The following PYROXD1 variants were observed in gnomAD, a reference collection of about 807,000 sequenced individuals.
PYROXD1 encodes tRNA ligase complex-associated NAD(P)H dehydrogenase PYROXD1.
PYROXD1 carries 42 observed loss-of-function variants against 62.0 expected under a neutral mutation model. The observed-to-expected ratio is 0.68, with a 90% CI of 0.53 to 0.88. The LOEUF is 0.88. PYROXD1 is among the 40% of genes least tolerant of loss of function. The pLI is 0.00. For missense variants in PYROXD1, 493 were observed against 604.8 expected, an observed-to-expected ratio of 0.82 and a Z score of 1.94; for synonymous variants, 170 against 206.4, an observed-to-expected ratio of 0.82 and a Z score of 1.51.
At chr12:21,468,186 T>G (rs1288991134) in intron 11 of PYROXD1, among the ~76,000 whole-genome samples, 1 of 152,092 alleles carries the variant, frequency 6.6e-6, no homozygotes, top group Non-Finnish European at 1.5e-5. Context: ...ATTTACTGTA[T>G]AGTTTTAATG....
At position 21,445,334 on chromosome 12, in the gene PYROXD1, T is replaced by C. The variant is rs1242446200; in HGVS notation, c.166-13T>C. ...TTAAAAATATACATTTTTAATCTCT[T>C]GGATCTATACAGATTTCTAAAATAT... is the stretch of plus-strand genomic sequence containing the variant. On this transcript the variant is annotated splice_polypyrimidine_tract_variant and intron_variant, in intron 2 of 11. Transcript: ENST00000240651. 6.4e-7 allele frequency: 1 copy of C among 1,556,472 alleles called. No individual in the cohort carries two copies. The highest frequency in any genetic ancestry group is 2.3e-5 in the East Asian group (1 of 44,108).
intron 5 of PYROXD1, among the ~76,000 whole-genome samples, chr12:21,452,703 AAAAACC>A (rs1942523459): frequency 6.6e-6 from 1 of 152,100 alleles, no homozygotes; most frequent in Admixed American, 6.6e-5. Context: ...TTACAAGTTC[AAAAACC>A]ATTGAGAAAT....
chr12:21,466,080 C>T (rs551919216), intron 10 of PYROXD1, among the ~76,000 whole-genome samples: 64 of 151,584 alleles, frequency 4.2e-4, no homozygotes, highest in South Asian at 2.7e-3. Flanking sequence ...CCTTGTAGTA[C>T]AGTTTGAAGT....
intron 1 of PYROXD1, chr12:21,438,057 G>T: frequency 1.8e-6 from 1 of 568,474 alleles, no homozygotes; most frequent in Non-Finnish European, 3.1e-6. Context: ...AAAGCTGGCT[G>T]ATCCGTGCTC....
chr12:21,470,590 T>G lies in PYROXD1; in HGVS notation c.*1836T>G. The G allele has an allele frequency of 2.4e-6, 1 of 422,262 alleles. No individual in the cohort carries two copies. Among genetic ancestry groups the G allele is most frequent in the Non-Finnish European group, 4.0e-6 (1 of 247,222 alleles). The allele number at this position is 422,262 out of a possible 1,614,324, so 26.2% of individuals were successfully genotyped here. A position where few individuals can be genotyped will look rare whatever the true frequency, so the allele number is the denominator to read the frequency against. On this transcript the variant is annotated 3_prime_UTR_variant, in exon 12 of 12. Transcript: ENST00000240651. The stretch of plus-strand genomic sequence containing the variant: ...TCCTTAGACACAATGGCACTTGACT[T>G]GACATGCTTTTGCAGACTTGATAGT...
rs1389603365 is a variant in PYROXD1 at position 21,449,590 on chromosome 12, C to T, written c.313C>T (p.His105Tyr). The T allele has an allele frequency of 3.7e-6, 6 of 1,612,824 alleles. No individual in the cohort carries two copies. In the African/African-American group the frequency reaches 8.0e-5, roughly 22 times the overall value. The change falls in exon 4 of 12, where the codon CAC becomes TAC. Residue 105 changes from histidine to tyrosine, a missense_variant. By Grantham distance (83) the His-to-Tyr change is moderately conservative. Coordinates refer to ENST00000240651, the MANE Select transcript of PYROXD1 (RefSeq NM_024854.5). ...HCIVTEDGNQ[H>Y]VYKKLCLCAG... ...CATTGTAACAGAAGATGGCAATCAGCACGTATATAAGAAACTCTGTCTGTG... is the reference window on the plus strand; with the variant it reads ...CATTGTAACAGAAGATGGCAATCAGTACGTATATAAGAAACTCTGTCTGTG...
intron 2 of PYROXD1, among the ~76,000 whole-genome samples, chr12:21,440,698 G>A (rs1441108648): frequency 1.3e-5 from 2 of 152,052 alleles, no homozygotes; most frequent in Middle Eastern, 3.2e-3. Context: ...TAGGACTTTA[G>A]TACTGTGTTG....
chr12:21,467,464 T>G lies in PYROXD1; in HGVS notation c.1117-17T>G. On this transcript the variant is annotated splice_polypyrimidine_tract_variant and intron_variant, in intron 10 of 11. Transcript: ENST00000240651. The stretch of plus-strand genomic sequence containing the variant: ...TCATGAAAAATGACATTGTGTAACA[T>G]TTTTTCATCATTTCAGATGAGGCTG... The G allele has an allele frequency of 6.3e-7, 1 of 1,577,612 alleles. No individual in the cohort carries two copies. Among genetic ancestry groups the G allele is most frequent in the East Asian group, 2.3e-5 (1 of 44,086 alleles).
chr12:21,465,489 T>C lies in PYROXD1; in HGVS notation c.1117-1992T>C, dbSNP rs150079417. On this transcript the variant is annotated intron_variant, in intron 10 of 11. Transcript: ENST00000240651. ...TCTTCTTTTGAGAAGTGTCTGTTCA[T>C]ATCCTTCGCCGACTTTTTGATGGGG... Among the ~76,000 whole-genome samples the C allele has an allele frequency of 5.6e-3, 853 of 152,352 alleles. 8 individuals are homozygous for C. The highest frequency in any genetic ancestry group is 0.016 in the African/African-American group (655 of 41,580).
intron 2 of PYROXD1, among the ~76,000 whole-genome samples, chr12:21,440,852 T>A (rs893713867): frequency 4.6e-5 from 7 of 152,204 alleles, no homozygotes; most frequent in Admixed American, 4.6e-4. Context: ...TACCTAATTG[T>A]TGGGTTTTTA....
chr12:21,437,909 C>T, intron 1 of PYROXD1, 95 bp downstream of exon 1: 2 of 1,188,404 alleles, frequency 1.7e-6, no homozygotes, highest in Non-Finnish European at 2.3e-6. Flanking sequence ...TTTCTTCTTC[C>T]GGGTTCCTTT....
intron 2 of PYROXD1, among the ~76,000 whole-genome samples, chr12:21,444,761 A>C (rs1470753758): frequency 1.3e-5 from 2 of 152,170 alleles, no homozygotes; most frequent in Non-Finnish European, 2.9e-5. Context: ...TCAATCTGTA[A>C]GGCTGTGTGG....
chr12:21,462,040 G>T lies in PYROXD1; in HGVS notation c.913G>T (p.Glu305Ter). 1.2e-6 allele frequency: 2 copies of T among 1,611,676 alleles called. No individual in the cohort carries two copies. Among genetic ancestry groups the T allele is most frequent in the Non-Finnish European group, 1.7e-6 (2 of 1,179,090 alleles). The change falls in exon 9 of 12, where the codon GAA (glutamate) becomes TAA (stop). Residue 305 changes from glutamate to a stop codon, truncating the protein, a stop_gained. Coordinates refer to ENST00000240651, the MANE Select transcript of PYROXD1 (RefSeq NM_024854.5). LOFTEE classifies it high-confidence loss of function. ...GCCTGTCTATGTGGAATTGACCAAT[G>T]AAAAGATATATGGCTGCGATTTCAT... ...MWPVYVELTN[E>*]KIYGCDFIVS...
chr12:21,469,399 C>T lies in PYROXD1; in HGVS notation c.*645C>T, dbSNP rs1942870965. On this transcript the variant is annotated 3_prime_UTR_variant, in exon 12 of 12. Transcript: ENST00000240651. ...ATTTTTTTTTTTTTAAGCTCATCAG[C>T]TATCGTCAGTGTTAGCATATTTTAT... 1 of 151,474 alleles carries T rather than the reference C, an allele frequency of 6.6e-6. No homozygotes were observed. The highest frequency in any genetic ancestry group is 1.5e-5 in the Non-Finnish European group (1 of 67,992). The allele number at this position is 151,474 out of a possible 1,614,324, so 9.4% of individuals were successfully genotyped here. A position where few individuals can be genotyped will look rare whatever the true frequency, so the allele number is the denominator to read the frequency against.
chr12:21,458,787 T>A (rs748050810), intron 7 of PYROXD1, among the ~76,000 whole-genome samples: 2 of 152,170 alleles, frequency 1.3e-5, no homozygotes, highest in African/African-American at 2.4e-5. Context: ...TGGGTGTGGT[T>A]CATGACACCC....
intron 2 of PYROXD1, among the ~76,000 whole-genome samples, chr12:21,441,614 T>G (rs1255029551): frequency 2.0e-5 from 3 of 152,198 alleles, no homozygotes; most frequent in African/African-American, 7.2e-5. Flanking sequence ...ATCGTCAGAA[T>G]TTCTGCTTTA....
chr12:21,440,425 A>C lies in PYROXD1; in HGVS notation c.142A>C (p.Lys48Gln). ...ILLVTASPVI[K>Q]AVTNFKQISK... ...CTTGGTAACAGCTTCTCCTGTTATT[A>C]AAGCAGTTACAAATTTCAAGCAGGT... Residue 48 changes from lysine to glutamine, a missense_variant, in exon 2 of 12, where the codon AAA (lysine) becomes CAA (glutamine). Physicochemically the swap from Lys to Gln is moderately conservative, Grantham distance 53. Transcript: ENST00000240651. The C allele has an allele frequency of 1.9e-6, 3 of 1,598,262 alleles. No homozygotes were observed. Among genetic ancestry groups the C allele is most frequent in the Non-Finnish European group, 2.6e-6 (3 of 1,171,078 alleles).
intron 10 of PYROXD1, among the ~76,000 whole-genome samples, chr12:21,463,332 T>G (rs1035310204): frequency 6.6e-6 from 1 of 152,306 alleles, no homozygotes; most frequent in Middle Eastern, 3.4e-3. Flanking sequence ...CTACTAAGAT[T>G]GTAAATTATA....
At chr12:21,451,592 A>G (rs974727978) in intron 4 of PYROXD1, among the ~76,000 whole-genome samples, 1 of 152,134 alleles carries the variant, frequency 6.6e-6, no homozygotes, top group African/African-American at 2.4e-5. Flanking sequence ...AGATGCAGAT[A>G]GGGTAAGCAA....
Sources: allele counts gnomAD v4.1 joint callset (sites outside exome capture counted in the v4.1 genomes callset), GRCh38; gene constraint gnomAD v4.1.1; transcripts MANE v1.5; gene names NCBI Gene and HGNC (gene_info 2026-07-23, HGNC 2026-07-21).